CAMK2G: variants seen among roughly 807,000 people sequenced by gnomAD.
CAMK2G encodes the protein calcium/calmodulin dependent protein kinase II gamma.
In CAMK2G, 23 loss-of-function variants were observed where a neutral mutation model predicts 88.7. That is an observed-to-expected ratio of 0.26 (90% CI 0.19 to 0.37). The LOEUF (loss-of-function observed/expected upper bound fraction) is 0.37. Ranked by LOEUF, CAMK2G falls within the 10% of genes least tolerant of loss-of-function variation. CAMK2G has a pLI of 1.00. For missense variants in CAMK2G, 476 were observed against 780.8 expected (o/e 0.61, Z 4.65); for synonymous variants, 263 against 294.8 (o/e 0.89, Z 1.11).
intron 14 of CAMK2G, among the ~76,000 whole-genome samples, chr10:73,832,842 T>A (rs994167890): frequency 1.3e-5 from 2 of 152,112 alleles, no homozygotes; most frequent in Non-Finnish European, 2.9e-5. Flanking sequence ...GGCCTCGAAT[T>A]CCTGGGCTCA....
chr10:73,832,626 C>T (rs1293156821), intron 14 of CAMK2G, among the ~76,000 whole-genome samples: 1 of 152,048 alleles, frequency 6.6e-6, no homozygotes, highest in Non-Finnish European at 1.5e-5. Context: ...CTTTATATAC[C>T]ACTTCCTTCA....
chr10:73,837,688 G>A (rs1401481672), intron 13 of CAMK2G, among the ~76,000 whole-genome samples, 177 bp from the exon 14 acceptor site: 1 of 152,144 alleles, frequency 6.6e-6, no homozygotes, highest in South Asian at 2.1e-4. Context: ...CTTGAGTGGC[G>A]TCAGAGCCCT....
intron 2 of CAMK2G, among the ~76,000 whole-genome samples, chr10:73,868,429 G>A (rs554059426): frequency 4.6e-5 from 7 of 152,316 alleles, no homozygotes; most frequent in East Asian, 1.9e-4. Context: ...CAACGTGACC[G>A]CGTGACAAAA....
chr10:73,828,729 T>G (rs1355019707), intron 14 of CAMK2G, among the ~76,000 whole-genome samples: 3 of 152,272 alleles, frequency 2.0e-5, no homozygotes, highest in Non-Finnish European at 2.9e-5. Flanking sequence ...TTGAATTTTT[T>G]ATTGCATTTT....
At chr10:73,816,654 T>C in intron 21 of CAMK2G, 2 of 754,988 alleles carry the variant, frequency 2.6e-6, no homozygotes, top group South Asian at 3.3e-5. Flanking sequence ...AGAGATGGGG[T>C]TTCACCGTGT....
chr10:73,856,146 T>C (rs2095018558), intron 3 of CAMK2G, among the ~76,000 whole-genome samples: 1 of 152,148 alleles, frequency 6.6e-6, no homozygotes, highest in African/African-American at 2.4e-5. Context: ...CATCGTTCCA[T>C]GGGCTCCACG....
intron 3 of CAMK2G, among the ~76,000 whole-genome samples, chr10:73,860,394 AACCCCCAGAGTGTGCAGGAC>A (rs946659351): frequency 1.3e-5 from 2 of 152,112 alleles, no homozygotes; most frequent in African/African-American, 4.8e-5. Flanking sequence ...GCACCATGGA[AACCCCCAGAGTGTGCAGGAC>A]ACCGCAGCAG....
rs146991278 is a variant in CAMK2G at position 73,822,517 on chromosome 10, A to G, written c.1201-787T>C. Among the ~76,000 whole-genome samples the G allele has an allele frequency of 9.5e-3, 1,447 of 152,272 alleles. 10 individuals carry two copies. The highest frequency in any genetic ancestry group is 0.02 in the Middle Eastern group (6 of 294). ...GCCAGAGTGGTGTTTTAAAGTGTCA[A>G]CTAGATTCTGTTACTCCTGCTAAGA... is the stretch of plus-strand genomic sequence containing the variant. On this transcript the variant is annotated intron_variant, in intron 17 of 22. Transcript: ENST00000423381.
intron 2 of CAMK2G, among the ~76,000 whole-genome samples, chr10:73,871,062 CAT>C (rs762821501): frequency 2.6e-5 from 4 of 152,052 alleles, no homozygotes; most frequent in Non-Finnish European, 5.9e-5. Flanking sequence ...CAACCTGGCA[CAT>C]GAGGCCACAC....
At chr10:73,820,486 A>ATTT (rs1472342764) in intron 18 of CAMK2G, among the ~76,000 whole-genome samples, 18 of 51,874 alleles carry the variant, frequency 3.5e-4, no homozygotes, top group African/African-American at 8.3e-4. Context: ...ATATATATAT[A>ATTT]TATATATTTT....
intron 17 of CAMK2G, among the ~76,000 whole-genome samples, chr10:73,823,054 G>C (rs2089592867): frequency 6.6e-6 from 1 of 151,960 alleles, no homozygotes; most frequent in Non-Finnish European, 1.5e-5. Flanking sequence ...TAGAGATGGG[G>C]TTTTGCCATG....
In CAMK2G at chr10:73,814,982, TC is replaced by T. The variant is rs1316042661; in HGVS notation, c.*12+20del. On this transcript the variant is annotated intron_variant, in intron 22 of 22. Transcript: ENST00000423381. ...CTATCCCAGGCCCTTCCAGCCCCTCTCCCCCGTCAACCAGGTGCACCTGTGG... is the reference window on the plus strand; with the variant it reads ...CTATCCCAGGCCCTTCCAGCCCCTCTCCCCGTCAACCAGGTGCACCTGTGG... 6.5e-6 allele frequency: 10 copies of T among 1,530,848 alleles called. No homozygotes were observed. Among genetic ancestry groups the T allele is most frequent in the Non-Finnish European group, 9.0e-6 (10 of 1,110,012 alleles). The allele number at this position is 1,530,848 out of a possible 1,614,324, so 94.8% of individuals were successfully genotyped here. A position where few individuals can be genotyped will look rare whatever the true frequency, so the allele number is the denominator to read the frequency against.
intron 14 of CAMK2G, among the ~76,000 whole-genome samples, chr10:73,832,268 C>T (rs1441544513): frequency 2.0e-5 from 3 of 152,038 alleles, no homozygotes; most frequent in South Asian, 2.1e-4. Context: ...TCTACAAACA[C>T]GTTTCTTCAA....
At chr10:73,824,612 C>T (rs1000835589) in intron 16 of CAMK2G, among the ~76,000 whole-genome samples, 4 of 152,338 alleles carry the variant, frequency 2.6e-5, no homozygotes, top group Admixed American at 6.5e-5. Context: ...CCTGGCCCCA[C>T]GCCGCCACGT....
Position 73,837,470 on chromosome 10 carries a change from T to G in CAMK2G, c.1051A>C (p.Lys351Gln). 1 of 1,613,284 alleles carries G rather than the reference T, an allele frequency of 6.2e-7. No homozygotes were observed. Among genetic ancestry groups the G allele is most frequent in the Non-Finnish European group, 8.5e-7 (1 of 1,179,254 alleles). ...GTTCAGAGGCTGGAGACACTTACCT[T>G]GACACCGCCATCCGACTTCTTGTTC... is the stretch of plus-strand genomic sequence containing the variant. ...LLNKKSDGGV[K>Q]KRKSSSSVHL... The change falls in exon 14 of 23, where the codon AAG becomes CAG. Residue 351 changes from lysine to glutamine, a missense_variant and splice_region_variant. Lys to Gln is a moderately conservative substitution (Grantham distance 53). This residue lies in a region of CAMK2G where 278 missense variants were observed against 366.5 expected (regional missense o/e 0.76). Coordinates refer to ENST00000423381, the MANE Select transcript of CAMK2G (RefSeq NM_001367534.1).
intron 19 of CAMK2G, among the ~76,000 whole-genome samples, chr10:73,819,199 C>T (rs1256955127): frequency 6.6e-6 from 1 of 152,156 alleles, no homozygotes; most frequent in East Asian, 1.9e-4. Flanking sequence ...ATCCCACTCC[C>T]ACCCCCACAG....
At chr10:73,844,088 C>CA (rs1185923557) in intron 10 of CAMK2G, among the ~76,000 whole-genome samples, 18 of 151,560 alleles carry the variant, frequency 1.2e-4, no homozygotes, top group South Asian at 2.1e-4. Flanking sequence ...TCTCCTTAAA[C>CA]AAAAAAATTT....
chr10:73,837,401 G>T, intron 14 of CAMK2G, 67 bp downstream of exon 14: 4 of 1,250,228 alleles, frequency 3.2e-6, no homozygotes, highest in Non-Finnish European at 4.7e-6. Flanking sequence ...GGAACCAGGT[G>T]CCAAGAATTC....
At chr10:73,827,211 G>T (rs1054848648) in intron 15 of CAMK2G, among the ~76,000 whole-genome samples, 1 of 152,058 alleles carries the variant, frequency 6.6e-6, no homozygotes, top group African/African-American at 2.4e-5. Flanking sequence ...TTTTGAGACG[G>T]AGTCTAGCTC....
Sources: allele counts gnomAD v4.1 joint callset (sites outside exome capture counted in the v4.1 genomes callset), GRCh38; gene constraint gnomAD v4.1.1; regional missense constraint gnomAD v4.1.1; transcripts MANE v1.5; gene names NCBI Gene and HGNC (gene_info 2026-07-23, HGNC 2026-07-21).